The following GLIS1 variants were observed in gnomAD, a reference collection of about 807,000 sequenced individuals.
GLIS1 encodes GLIS family zinc finger 1.
In GLIS1, 24 loss-of-function variants were observed where a neutral mutation model predicts 63.8. The observed-to-expected ratio is 0.38, with a 90% CI of 0.27 to 0.53. The LOEUF (loss-of-function observed/expected upper bound fraction) is 0.53, where lower values mean the gene tolerates loss of function less well. Ranked by LOEUF, GLIS1 falls within the 20% of genes least tolerant of loss-of-function variation. GLIS1 has a pLI of 0.85. For synonymous variants in GLIS1, 450 were observed against 482.5 expected (o/e 0.93, Z 0.88); for missense variants, 1,036 against 1,074.1 (o/e 0.96, Z 0.50).
chr1:53,706,692 T>G (rs1005339020), intron 2 of GLIS1, among the ~76,000 whole-genome samples: 1 of 152,246 alleles, frequency 6.6e-6, no homozygotes, highest in Non-Finnish European at 1.5e-5. Context: ...TTGTCTGTCA[T>G]GTTCCATTAG....
chr1:53,658,056 C>T (rs1263312048), intron 2 of GLIS1, among the ~76,000 whole-genome samples: 2 of 152,138 alleles, frequency 1.3e-5, no homozygotes, highest in East Asian at 3.9e-4. Flanking sequence ...ACCGCACCCA[C>T]CACTCCCCTA....
At chr1:53,594,074 C>T in intron 4 of GLIS1, 34 bp downstream of exon 4, 7 of 1,576,500 alleles carry the variant, frequency 4.4e-6, no homozygotes, top group Non-Finnish European at 6.0e-6. Context: ...GCCAGAGGGG[C>T]TGGGGTGAGG....
At chr1:53,680,109 G>T (rs969577208) in intron 2 of GLIS1, among the ~76,000 whole-genome samples, 1 of 152,060 alleles carries the variant, frequency 6.6e-6, no homozygotes, top group Admixed American at 6.5e-5. Context: ...AATGAAGGAG[G>T]GAGAAGGCAG....
chr1:53,543,460 A>T (rs955728247), intron 4 of GLIS1, among the ~76,000 whole-genome samples: 3 of 151,836 alleles, frequency 2.0e-5, no homozygotes, highest in Non-Finnish European at 4.4e-5. Flanking sequence ...GAGTGAGAGC[A>T]GCAGTGGGAA....
chr1:53,655,820 G>A (rs1478450933), intron 2 of GLIS1, among the ~76,000 whole-genome samples: 1 of 152,156 alleles, frequency 6.6e-6, no homozygotes, highest in South Asian at 2.1e-4. Flanking sequence ...CACTGCTTGG[G>A]CCCAACCTCA....
intron 2 of GLIS1, among the ~76,000 whole-genome samples, chr1:53,652,197 C>G (rs552792652): frequency 6.6e-6 from 1 of 152,356 alleles, no homozygotes; most frequent in South Asian, 2.1e-4. Context: ...GAGCCTCTCA[C>G]ATGCTTAGCA....
intron 8 of GLIS1, 64 bp from the exon 9 acceptor site, chr1:53,510,091 C>T: frequency 1.0e-6 from 1 of 975,320 alleles, no homozygotes; most frequent in Non-Finnish European, 1.3e-6. Context: ...AGAGGCAGGG[C>T]TGCTGCGGCT....
At chr1:53,654,651 G>T (rs1319309984) in intron 2 of GLIS1, among the ~76,000 whole-genome samples, 1 of 152,172 alleles carries the variant, frequency 6.6e-6, no homozygotes, top group Non-Finnish European at 1.5e-5. Flanking sequence ...GCAGTGTCTG[G>T]AGAACAAAGT....
rs1292605039 is a variant in GLIS1, at chr1:53,601,364, C to T, written c.260-1086G>A. Among the ~76,000 whole-genome samples, 5 of 152,138 alleles carry T rather than the reference C, an allele frequency of 3.3e-5. No individual in the cohort carries two copies. In the East Asian group the frequency reaches 7.7e-4, roughly 23 times the overall value. Reference sequence around the variant, plus strand: ...TTGTTCTTATTGTTAAACAGCACTTCAACAATTACAAAGTGCCTTGCAGAT... The same window carrying T: ...TTGTTCTTATTGTTAAACAGCACTTTAACAATTACAAAGTGCCTTGCAGAT... On this transcript the variant is annotated intron_variant, in intron 2 of 10. Transcript: ENST00000628545.
At chr1:53,727,177 G>C (rs950176546) in intron 2 of GLIS1, among the ~76,000 whole-genome samples, 3 of 152,234 alleles carry the variant, frequency 2.0e-5, no homozygotes, top group African/African-American at 7.2e-5. Flanking sequence ...CTTTGGATAA[G>C]TAACATGACC....
At chr1:53,739,060 C>T (rs868353594) in intron 1 of GLIS1, among the ~76,000 whole-genome samples, 45 bp downstream of exon 1, 9 of 152,114 alleles carry the variant, frequency 5.9e-5, no homozygotes, top group Middle Eastern at 3.4e-3. Context: ...GATCTCGGGC[C>T]CCGCACACGC....
intron 2 of GLIS1, among the ~76,000 whole-genome samples, chr1:53,644,816 G>C (rs1400877932): frequency 6.6e-6 from 1 of 152,162 alleles, no homozygotes; most frequent in African/African-American, 2.4e-5. Context: ...TGCCACAGGG[G>C]CTCACTCCAC....
At chr1:53,589,004 C>T (rs1432099331) in intron 4 of GLIS1, among the ~76,000 whole-genome samples, 1 of 152,206 alleles carries the variant, frequency 6.6e-6, no homozygotes, top group Non-Finnish European at 1.5e-5. Flanking sequence ...AATCTCTCTC[C>T]AGTTAACACT....
chr1:53,586,664 C>T (rs1645138721), intron 4 of GLIS1, among the ~76,000 whole-genome samples: 1 of 152,188 alleles, frequency 6.6e-6, no homozygotes, highest in African/African-American at 2.4e-5. Flanking sequence ...TGTACACAAT[C>T]ACAGGCTGAG....
rs1215946796 is a variant in GLIS1, at chr1:53,687,942, G to A, written c.259+49864C>T. On this transcript the variant is annotated intron_variant, in intron 2 of 10. Coordinates refer to ENST00000628545, the MANE Select transcript of GLIS1 (RefSeq NM_001367484.1). ...TCATAGATGAGGAAGAGTCCTAGAC[G>A]CAAGCGGGCCCGGCTGTGCCCCTAG... Among the ~76,000 whole-genome samples, 7 of 152,302 alleles carry A rather than the reference G, an allele frequency of 4.6e-5. No homozygotes were observed. In the South Asian group the frequency reaches 1.2e-3, roughly 27 times the overall value.
At chr1:53,674,321 G>C (rs1409862432) in intron 2 of GLIS1, among the ~76,000 whole-genome samples, 1 of 152,182 alleles carries the variant, frequency 6.6e-6, no homozygotes, top group Non-Finnish European at 1.5e-5. Flanking sequence ...AAACCTGCTA[G>C]AAATCCAAAT....
chr1:53,608,488 T>C (rs932862315), intron 2 of GLIS1, among the ~76,000 whole-genome samples: 1 of 152,216 alleles, frequency 6.6e-6, no homozygotes, highest in Non-Finnish European at 1.5e-5. Flanking sequence ...ATTTCCTATA[T>C]CTAGCTATGG....
chr1:53,723,158 C>T (rs949660536), intron 2 of GLIS1, among the ~76,000 whole-genome samples: 2 of 151,112 alleles, frequency 1.3e-5, no homozygotes, highest in African/African-American at 4.9e-5. Flanking sequence ...AAAAAATATG[C>T]TTCTGAATCT....
At chr1:53,507,803 A>G (rs911885348) in intron 10 of GLIS1, among the ~76,000 whole-genome samples, 3 of 152,206 alleles carry the variant, frequency 2.0e-5, no homozygotes, top group African/African-American at 7.2e-5. Context: ...TGCTCCATTC[A>G]GAGCTATTCA....
Sources: gnomAD v4.1 joint callset for allele counts (sites outside exome capture counted in the v4.1 genomes callset) on GRCh38, gnomAD v4.1.1 for gene constraint, MANE v1.5 for transcripts, NCBI Gene and HGNC (gene_info 2026-07-23, HGNC 2026-07-21) for gene names.